The following NEBL variants were observed in gnomAD, a reference collection of about 807,000 sequenced individuals.
The protein encoded by NEBL is nebulette, also known as LIM and SH3 protein 2.
A neutral mutation model predicts 140.2 loss-of-function variants in NEBL; 122 were observed. The ratio of observed to expected loss-of-function variants is 0.87; its 90% CI spans 0.75 to 1.01. The LOEUF (loss-of-function observed/expected upper bound fraction) is 1.01, where lower values mean the gene tolerates loss of function less well. Ranked by LOEUF, NEBL falls within the 50% of genes least tolerant of loss-of-function variation. NEBL has a pLI of 0.00. For missense variants in NEBL, 1,365 were observed against 1,231.3 expected, an observed-to-expected ratio of 1.11 and a Z score of -1.62; for synonymous variants, 436 against 398.9, an observed-to-expected ratio of 1.09 and a Z score of -1.11.
intron 3 of NEBL, among the ~76,000 whole-genome samples, chr10:20,997,546 A>G (rs1393220278): frequency 6.8e-6 from 1 of 146,314 alleles, no homozygotes; most frequent in East Asian, 2.0e-4. Context: ...GATTCGGATT[A>G]GTAGCCAACC....
At chr10:20,830,159 C>T (rs1485163473) in intron 16 of NEBL, among the ~76,000 whole-genome samples, 2 of 152,176 alleles carry the variant, frequency 1.3e-5, no homozygotes, top group South Asian at 2.1e-4. Flanking sequence ...TTTGACTCTG[C>T]CATCTTGATA....
At chr10:21,006,094 C>T (rs1183295385) in intron 3 of NEBL, among the ~76,000 whole-genome samples, 1 of 152,198 alleles carries the variant, frequency 6.6e-6, no homozygotes, top group Non-Finnish European at 1.5e-5. Context: ...ACCTCCAAGG[C>T]ATGTGGCTAT....
chr10:21,092,288 T>TC, intron 2 of NEBL, among the ~76,000 whole-genome samples: 1 of 152,310 alleles, frequency 6.6e-6, no homozygotes, highest in Admixed American at 6.5e-5. Context: ...AGCACCAGCT[T>TC]CCCAAAGTTA....
intron 4 of NEBL, among the ~76,000 whole-genome samples, chr10:20,946,333 G>A (rs190806473): frequency 2.4e-4 from 36 of 152,298 alleles, no homozygotes; most frequent in Admixed American, 3.9e-4. Flanking sequence ...TGTGGCCCTC[G>A]TGCTACTGGT....
chr10:20,877,277 A>G (rs1845590822), intron 5 of NEBL, among the ~76,000 whole-genome samples: 1 of 152,194 alleles, frequency 6.6e-6, no homozygotes. Flanking sequence ...TACAGATGAG[A>G]AAATGGAGAT....
chr10:21,202,461 C>CTTTTTCTTT (rs1841753053), intron 3 of NEBL, among the ~76,000 whole-genome samples: 1 of 117,294 alleles, frequency 8.5e-6, no homozygotes, highest in Non-Finnish European at 1.7e-5. Flanking sequence ...TTTTCTTTTT[C>CTTTTTCTTT]TTTTTTTTTT....
chr10:20,852,909 A>G (rs1305301631), intron 9 of NEBL, among the ~76,000 whole-genome samples: 1 of 152,246 alleles, frequency 6.6e-6, no homozygotes, highest in Non-Finnish European at 1.5e-5. Flanking sequence ...TGTAAAGGAT[A>G]TTCACAACAC....
chr10:21,255,575 C>A (rs1340958414), intron 1 of NEBL, among the ~76,000 whole-genome samples: 1 of 152,216 alleles, frequency 6.6e-6, no homozygotes, highest in African/African-American at 2.4e-5. Context: ...CAAGAGCTGA[C>A]ACGTGGCTAG....
At chr10:20,971,957 A>C (rs1320800139) in intron 3 of NEBL, among the ~76,000 whole-genome samples, 3 of 152,188 alleles carry the variant, frequency 2.0e-5, no homozygotes, top group Non-Finnish European at 4.4e-5. Flanking sequence ...AGAAGGTACC[A>C]CACAAGGTTA....
At chr10:21,031,464 C>A (rs538957955) in intron 2 of NEBL, among the ~76,000 whole-genome samples, 1 of 152,294 alleles carries the variant, frequency 6.6e-6, no homozygotes, top group East Asian at 1.9e-4. Context: ...ATTCCTGCCG[C>A]GATGGGAGGC....
chr10:20,815,010 C>T (rs1011411843), intron 22 of NEBL, among the ~76,000 whole-genome samples: 1 of 152,130 alleles, frequency 6.6e-6, no homozygotes, highest in Non-Finnish European at 1.5e-5. Context: ...CAGAACACCG[C>T]CATTTATGAA....
intron 3 of NEBL, among the ~76,000 whole-genome samples, chr10:21,206,424 A>G (rs1166210655): frequency 6.6e-6 from 1 of 152,222 alleles, no homozygotes; most frequent in Non-Finnish European, 1.5e-5. Context: ...TGCTTGTCAC[A>G]TGGCCAAAAT....
intron 26 of NEBL, among the ~76,000 whole-genome samples, chr10:20,796,385 A>C (rs1836539010): frequency 1.3e-5 from 2 of 151,232 alleles, no homozygotes; most frequent in Non-Finnish European, 3.0e-5. Flanking sequence ...AAAAAAAAAA[A>C]AAAAAAAAAC....
At chr10:20,969,181 G>A (rs1836457343) in intron 3 of NEBL, among the ~76,000 whole-genome samples, 1 of 152,162 alleles carries the variant, frequency 6.6e-6, no homozygotes, top group Admixed American at 6.5e-5. Context: ...TTTTTAAGGT[G>A]AAGTTAATTT....
At chr10:20,852,753 A>G (rs1842677242) in intron 9 of NEBL, 104 bp from the exon 10 acceptor site, 2 of 1,035,470 alleles carry the variant, frequency 1.9e-6, no homozygotes, top group Admixed American at 4.0e-5. Flanking sequence ...AAGAGCTGCA[A>G]AGCTGTTGCC....
intron 20 of NEBL, 152 bp from the exon 21 acceptor site, chr10:20,817,844 T>C (rs575634174): frequency 2.9e-6 from 2 of 699,896 alleles, no homozygotes; most frequent in Non-Finnish European, 2.6e-6. Context: ...ACGCCCACAT[T>C]CCGATGGGTC....
chr10:21,067,254 A>G (rs957126875), intron 2 of NEBL, among the ~76,000 whole-genome samples: 1 of 152,134 alleles, frequency 6.6e-6, no homozygotes, highest in Admixed American at 6.6e-5. Flanking sequence ...TACAGGTGTG[A>G]GCCACCGCGC....
chr10:20,977,396 T>TC (rs1268876321), intron 3 of NEBL, among the ~76,000 whole-genome samples: 44 of 152,312 alleles, frequency 2.9e-4, no homozygotes, highest in African/African-American at 1.1e-3. Flanking sequence ...GACATCTAAA[T>TC]CATGTGACAG....
At chr10:21,198,218 G>A (rs1841682572) in intron 3 of NEBL, among the ~76,000 whole-genome samples, 1 of 152,068 alleles carries the variant, frequency 6.6e-6, no homozygotes, top group Non-Finnish European at 1.5e-5. Flanking sequence ...CCTTCAGCCT[G>A]CTAGGTCACC....
Sources: gnomAD v4.1 joint callset for allele counts (sites outside exome capture counted in the v4.1 genomes callset) on GRCh38, gnomAD v4.1.1 for gene constraint, MANE v1.5 for transcripts, NCBI Gene and HGNC (gene_info 2026-07-23, HGNC 2026-07-21) for gene names.